FARP2: variants seen among roughly 807,000 people sequenced by gnomAD.
FARP2 encodes the protein FERM, ARHGEF and pleckstrin domain-containing protein 2.
Under a neutral mutation model 130.5 loss-of-function variants are expected in FARP2, and 111 were observed. The observed-to-expected ratio is 0.85, with a 90% CI of 0.73 to 1.00. The LOEUF (loss-of-function observed/expected upper bound fraction) is 1.00, where lower values mean the gene tolerates loss of function less well. FARP2 is among the 50% of genes least tolerant of loss of function. FARP2 has a pLI of 0.00. For synonymous variants in FARP2, 504 were observed against 516.9 expected, an observed-to-expected ratio of 0.98 and a Z score of 0.34; for missense variants, 1,385 against 1,346.3, an observed-to-expected ratio of 1.03 and a Z score of -0.45.
At chr2:241,487,698 AT>A (rs1334468101) in intron 21 of FARP2, among the ~76,000 whole-genome samples, 1 of 111,980 alleles carries the variant, frequency 8.9e-6, no homozygotes, top group African/African-American at 3.0e-5. Flanking sequence ...AAGAAAATGC[AT>A]TTAATACACT....
intron 17 of FARP2, among the ~76,000 whole-genome samples, chr2:241,467,507 G>A (rs557950306): frequency 5.3e-5 from 8 of 152,048 alleles, no homozygotes; most frequent in Non-Finnish European, 7.4e-5. Context: ...AAAATGAGCC[G>A]GGCGTGGTGG....
intron 21 of FARP2, among the ~76,000 whole-genome samples, chr2:241,487,746 C>CCTTTTTTT (rs1372509493): frequency 1.4e-5 from 1 of 73,232 alleles, no homozygotes; most frequent in African/African-American, 5.3e-5. Flanking sequence ...CTAGCCTACT[C>CCTTTTTTT]TTTTTTTTTT....
At chr2:241,396,366 G>A (rs1201444669) in intron 2 of FARP2, among the ~76,000 whole-genome samples, 1 of 151,950 alleles carries the variant, frequency 6.6e-6, no homozygotes, top group East Asian at 1.9e-4. Flanking sequence ...CTTCTGCACA[G>A]CAAAAGAAAC....
chr2:241,429,234 GC>G (rs1252669594), intron 8 of FARP2, among the ~76,000 whole-genome samples: 1 of 152,120 alleles, frequency 6.6e-6, no homozygotes, highest in Non-Finnish European at 1.5e-5. Context: ...ATGCCCGTCT[GC>G]CTTTAACTGG....
chr2:241,418,901 G>A (rs981920876), intron 8 of FARP2, among the ~76,000 whole-genome samples: 5 of 152,286 alleles, frequency 3.3e-5, no homozygotes, highest in Non-Finnish European at 7.3e-5. Context: ...CCTTTTGGGA[G>A]CACTCCAGTC....
At chr2:241,466,999 A>G (rs1435738544) in intron 17 of FARP2, among the ~76,000 whole-genome samples, 1 of 152,116 alleles carries the variant, frequency 6.6e-6, no homozygotes, top group African/African-American at 2.4e-5. Flanking sequence ...TCATGCCTGT[A>G]ATCCCAGCAC....
rs1559746590 is a variant in FARP2 at position 241,413,395 on chromosome 2, G to GAT, written c.599_600dup (p.Leu201TyrfsTer2). On this transcript the variant is annotated frameshift_variant, in exon 7 of 27. Transcript: ENST00000264042. LOFTEE classifies it high-confidence loss of function. ...CTGGCCAGCAGCACTGCCTTGAGAA[G>GAT]ATACTAGAATTCCATCAGAAGCACG... 6.2e-7 allele frequency: 1 copy of GAT among 1,611,316 alleles called. No individual in the cohort carries two copies. The highest frequency in any genetic ancestry group is 1.7e-5 in the Admixed American group (1 of 59,744).
intron 13 of FARP2, among the ~76,000 whole-genome samples, chr2:241,450,422 C>G (rs1321462939): frequency 2.6e-5 from 4 of 151,346 alleles, no homozygotes. Context: ...AGTCCCAGCA[C>G]TTTGGGAGGC....
In FARP2 at chr2:241,475,942, G is replaced by A. The variant is rs1559805778; in HGVS notation, c.2217G>A (p.Leu739=). The change falls in exon 19 of 27, where the codon CTG becomes CTA. Residue 739 remains leucine (L), a synonymous_variant. Coordinates refer to ENST00000264042, the MANE Select transcript of FARP2 (RefSeq NM_014808.4). This position sits in a 1 kb window ranked among gnomAD's most constrained non-coding sequence, Gnocchi z 4.4. ...AGAACCTGCAGAAGCTAACGGAGCT[G>A]CAGCGGGACCTGGTGGGCATAGAGA... is the stretch of plus-strand genomic sequence containing the variant. ...RLENLQKLTE[L]QRDLVGIENL... is the part of the protein sequence containing the mutation. 6 of 1,614,036 alleles carry A rather than the reference G, an allele frequency of 3.7e-6. No homozygotes were observed. In the South Asian group the frequency reaches 4.4e-5, roughly 12 times the overall value.
At chr2:241,455,900 C>T (rs56057909) in intron 13 of FARP2, among the ~76,000 whole-genome samples, 30,188 of 151,602 alleles carry the variant, frequency 0.2, 3,383 homozygotes, top group East Asian at 0.4. Context: ...CCACCATGCC[C>T]GGCTAATTTT....
At chr2:241,463,289 C>T in intron 15 of FARP2, 46 bp from the exon 16 acceptor site, 2 of 1,595,738 alleles carry the variant, frequency 1.3e-6, no homozygotes, top group South Asian at 2.3e-5. Context: ...GTTTCTCAGT[C>T]CCCAACAAGA....
chr2:241,474,585 G>C (rs1338437050), intron 18 of FARP2, among the ~76,000 whole-genome samples: 1 of 151,578 alleles, frequency 6.6e-6, no homozygotes, highest in Non-Finnish European at 1.5e-5. Context: ...GACGTCAGGA[G>C]TGGGAGACCA....
At chr2:241,365,391 TC>T (rs1421775311) in intron 1 of FARP2, among the ~76,000 whole-genome samples, 2 of 152,202 alleles carry the variant, frequency 1.3e-5, no homozygotes, top group Middle Eastern at 3.2e-3. Flanking sequence ...TTTTTCCCCT[TC>T]ATGTACCCAC....
intron 13 of FARP2, chr2:241,442,102 C>T (rs1437767659): frequency 7.6e-6 from 3 of 394,082 alleles, no homozygotes; most frequent in East Asian, 7.2e-5. Context: ...GCAGGCCAGC[C>T]GGATGCAGCG....
chr2:241,458,367 G>C (rs984529576), intron 14 of FARP2, among the ~76,000 whole-genome samples: 2 of 152,170 alleles, frequency 1.3e-5, no homozygotes, highest in East Asian at 3.8e-4. Flanking sequence ...ATTGGCCAGA[G>C]GATATTCTGT....
chr2:241,425,811 A>T (rs1222298272), intron 8 of FARP2, among the ~76,000 whole-genome samples: 2 of 146,952 alleles, frequency 1.4e-5, no homozygotes. Flanking sequence ...ATGTCACTGC[A>T]ATGGCAGCAT....
chr2:241,441,165 G>T (rs1227827515), intron 12 of FARP2, 139 bp from the exon 13 acceptor site: 3 of 701,546 alleles, frequency 4.3e-6, no homozygotes, highest in Non-Finnish European at 4.7e-6. Context: ...ACAAGGGAAA[G>T]TCTAGTGAAT....
intron 18 of FARP2, among the ~76,000 whole-genome samples, chr2:241,474,833 A>G (rs1292239619): frequency 6.6e-6 from 1 of 150,978 alleles, no homozygotes; most frequent in African/African-American, 2.4e-5. Flanking sequence ...ATAAATAAAT[A>G]AATAAAAAGA....
chr2:241,374,253 C>G (rs1392432349), intron 2 of FARP2, among the ~76,000 whole-genome samples: 1 of 152,144 alleles, frequency 6.6e-6, no homozygotes, highest in African/African-American at 2.4e-5. Context: ...CTCAAGGGAT[C>G]CTCCTACCTC....
Sources: allele counts gnomAD v4.1 joint callset (sites outside exome capture counted in the v4.1 genomes callset), GRCh38; gene constraint gnomAD v4.1.1; non-coding constraint Gnocchi (gnomAD v3.1); transcripts MANE v1.5; gene names NCBI Gene and HGNC (gene_info 2026-07-23, HGNC 2026-07-21).